The following PAPOLG variants were observed in gnomAD, a reference collection of about 807,000 sequenced individuals.
PAPOLG encodes PAP-gamma.
A neutral mutation model predicts 99.0 loss-of-function variants in PAPOLG; 40 were observed. That is an observed-to-expected ratio of 0.40 (90% CI 0.31 to 0.53). The LOEUF is 0.53. Ranked by LOEUF, PAPOLG falls within the 20% of genes least tolerant of loss-of-function variation. The pLI is 0.41. For synonymous variants in PAPOLG, 310 were observed against 299.3 expected (o/e 1.04, Z -0.37); for missense variants, 675 against 884.1 (o/e 0.76, Z 3.00).
intron 10 of PAPOLG, among the ~76,000 whole-genome samples, chr2:60,781,409 G>C (rs1401775233): frequency 6.6e-6 from 1 of 152,084 alleles, no homozygotes; most frequent in Non-Finnish European, 1.5e-5. Flanking sequence ...TATAATAAAA[G>C]ATTTACTTTG....
At chr2:60,762,906 C>CA (rs1670562809) in intron 3 of PAPOLG, among the ~76,000 whole-genome samples, 8 of 151,794 alleles carry the variant, frequency 5.3e-5, no homozygotes, top group African/African-American at 1.9e-4. Flanking sequence ...GGATTACAGC[C>CA]TCGAGCCACC....
Position 60,794,712 on chromosome 2 carries a change from T to C in PAPOLG, c.1992T>C (p.Phe664=). 6.2e-7 allele frequency: 1 copy of C among 1,610,436 alleles called. No individual in the cohort carries two copies. The highest frequency in any genetic ancestry group is 8.5e-7 in the Non-Finnish European group (1 of 1,176,932). The part of the protein sequence containing the change: ...TPKRLKDVEK[F]IRLESTFKDP... ...CTATTTCAATGTTTATATTTTAGTT[T>C]ATTCGACTTGAATCAACATTTAAGG... Residue 664 remains phenylalanine (F), a splice_region_variant and synonymous_variant, in exon 20 of 22, where the codon TTT becomes TTC. Transcript: ENST00000238714.
chr2:60,770,308 A>G (rs1287030632), intron 5 of PAPOLG, 150 bp from the exon 6 acceptor site: 1 of 541,026 alleles, frequency 1.8e-6, no homozygotes, highest in African/African-American at 2.0e-5. Flanking sequence ...AAAGATATTC[A>G]CATTATTGGT....
intron 15 of PAPOLG, among the ~76,000 whole-genome samples, chr2:60,789,060 A>C (rs891527389): frequency 2.6e-5 from 4 of 152,180 alleles, no homozygotes; most frequent in Non-Finnish European, 5.9e-5. Flanking sequence ...CATCATTCTC[A>C]GTAAACTATG....
Position 60,768,491 on chromosome 2 carries a change from G to C in PAPOLG, c.268G>C (p.Ala90Pro). Residue 90 changes from alanine to proline, a missense_variant, in exon 4 of 22, where the codon GCT (alanine) becomes CCT (proline). Physicochemically the swap from Ala to Pro is conservative, Grantham distance 27. Around this residue, in one of 3 missense-constraint regions of PAPOLG, gnomAD observed 149 missense variants for 192.1 expected, o/e 0.78. Transcript: ENST00000238714. ...ESKNLPPSVV[A>P]TVGGKIFTFG... The stretch of plus-strand genomic sequence containing the variant: ...TTAGAACCTCCCACCTTCTGTTGTG[G>C]CTACTGTTGGTGGTAAAATTTTCAC... 6.2e-7 allele frequency: 1 copy of C among 1,613,944 alleles called. No homozygotes were observed. Among genetic ancestry groups the C allele is most frequent in the Middle Eastern group, 1.7e-4 (1 of 6,060 alleles).
intron 13 of PAPOLG, among the ~76,000 whole-genome samples, chr2:60,784,060 G>A (rs572649031): frequency 3.3e-5 from 5 of 152,286 alleles, no homozygotes; most frequent in East Asian, 1.9e-4. Flanking sequence ...TGCAACCTCC[G>A]CCTCCCGGGT....
Position 60,800,177 on chromosome 2 carries a change from AT to A in PAPOLG, c.*3024del, listed in dbSNP as rs994192574. The stretch of plus-strand genomic sequence containing the variant: ...GTAAAACTGGGACAGGAGAATTATT[AT>A]TTTTTTATTTTTTATTTTTTTATGA... On this transcript the variant is annotated 3_prime_UTR_variant, in exon 22 of 22. Coordinates refer to ENST00000238714, the MANE Select transcript of PAPOLG (RefSeq NM_022894.4). 2.0e-5 allele frequency: 3 copies of A among 151,920 alleles called. No homozygotes were observed. The highest frequency in any genetic ancestry group is 7.3e-5 in the African/African-American group (3 of 41,364). The allele number at this position is 151,920 out of a possible 1,614,324, so 9.4% of individuals were successfully genotyped here.
chr2:60,788,686 C>T (rs2103816334), intron 15 of PAPOLG, among the ~76,000 whole-genome samples: 1 of 152,204 alleles, frequency 6.6e-6, no homozygotes, highest in South Asian at 2.1e-4. Flanking sequence ...TTTGTGATCA[C>T]AGTCTTAAAG....
At chr2:60,786,011 C>T (rs1162928178) in intron 13 of PAPOLG, among the ~76,000 whole-genome samples, 1 of 152,056 alleles carries the variant, frequency 6.6e-6, no homozygotes, top group Non-Finnish European at 1.5e-5. Context: ...AAAGAACACA[C>T]AGAAATCTAC....
intron 5 of PAPOLG, among the ~76,000 whole-genome samples, chr2:60,769,932 C>T (rs2103775979): frequency 6.6e-6 from 1 of 151,718 alleles, no homozygotes; most frequent in East Asian, 1.9e-4. Flanking sequence ...CCCCCACCCC[C>T]CGACAGGCCC....
At chr2:60,773,496 C>G (rs13404165) in intron 7 of PAPOLG, among the ~76,000 whole-genome samples, 1 of 152,102 alleles carries the variant, frequency 6.6e-6, no homozygotes, top group Admixed American at 6.5e-5. Flanking sequence ...ATGATAGTTT[C>G]TTAAAGGTTA....
At chr2:60,766,656 G>C (rs1431914930) in intron 3 of PAPOLG, among the ~76,000 whole-genome samples, 1 of 149,732 alleles carries the variant, frequency 6.7e-6, no homozygotes, top group Non-Finnish European at 1.5e-5. Flanking sequence ...GGGCAACACA[G>C]TGAAACCCCG....
intron 13 of PAPOLG, among the ~76,000 whole-genome samples, chr2:60,784,204 C>T (rs1181613462): frequency 6.6e-6 from 1 of 152,220 alleles, no homozygotes; most frequent in Non-Finnish European, 1.5e-5. Context: ...AACTCCTCAC[C>T]TCGTGATCCA....
At chr2:60,756,887 G>T (rs1156807767) in intron 1 of PAPOLG, among the ~76,000 whole-genome samples, 1 of 138,304 alleles carries the variant, frequency 7.2e-6, no homozygotes, top group Non-Finnish European at 1.5e-5. Flanking sequence ...CTCCCTTCCC[G>T]ACCGGCTGTC....
At chr2:60,767,151 G>A (rs530269433) in intron 3 of PAPOLG, among the ~76,000 whole-genome samples, 1 of 152,176 alleles carries the variant, frequency 6.6e-6, no homozygotes, top group East Asian at 1.9e-4. Context: ...AGAAGGAAAA[G>A]GTTTGGGCAG....
At position 60,760,131 on chromosome 2, in the gene PAPOLG, C is replaced by T; in HGVS notation, c.18-3C>T. 6.2e-7 allele frequency: 1 copy of T among 1,612,432 alleles called. No homozygotes were observed. The highest frequency in any genetic ancestry group is 8.5e-7 in the Non-Finnish European group (1 of 1,179,512). On this transcript the variant is annotated splice_polypyrimidine_tract_variant and splice_region_variant and intron_variant, in intron 1 of 21. Coordinates refer to ENST00000238714, the MANE Select transcript of PAPOLG (RefSeq NM_022894.4). ...GTTTCATTTTTCTTATTTTCTTGAA[C>T]AGAAACACCGTGCTGGACAGCCAGC...
At chr2:60,777,454 T>C (rs568140922) in intron 8 of PAPOLG, among the ~76,000 whole-genome samples, 1 of 152,244 alleles carries the variant, frequency 6.6e-6, no homozygotes, top group East Asian at 1.9e-4. Context: ...AGACTCCGTC[T>C]CAAAAAAAAA....
At chr2:60,768,714 T>G in intron 4 of PAPOLG, 67 bp from the exon 5 acceptor site, 1 of 1,398,780 alleles carries the variant, frequency 7.1e-7, no homozygotes, top group South Asian at 1.4e-5. Flanking sequence ...TACATATGTT[T>G]GTGTGTACTT....
intron 13 of PAPOLG, among the ~76,000 whole-genome samples, chr2:60,783,580 A>AAT (rs1465312877): frequency 7.5e-6 from 1 of 134,102 alleles, no homozygotes; most frequent in Non-Finnish European, 1.5e-5. Context: ...GCATAATCTC[A>AAT]GCTCACTGCA....
Sources: allele counts gnomAD v4.1 joint callset (sites outside exome capture counted in the v4.1 genomes callset), GRCh38; gene constraint gnomAD v4.1.1; regional missense constraint gnomAD v4.1.1; transcripts MANE v1.5; gene names NCBI Gene and HGNC (gene_info 2026-07-23, HGNC 2026-07-21).